The following DARS1 variants were observed in gnomAD, a reference collection of about 807,000 sequenced individuals.
DARS1 encodes the protein aspartate--tRNA ligase, cytoplasmic.
A neutral mutation model predicts 68.8 loss-of-function variants in DARS1; 51 were observed. That is an observed-to-expected ratio of 0.74 (90% CI 0.59 to 0.94). The LOEUF (loss-of-function observed/expected upper bound fraction) is 0.94, where lower values mean the gene tolerates loss of function less well. DARS1 is among the 40% of genes least tolerant of loss of function. The probability of loss-of-function intolerance (pLI) is 0.00; values close to 1 mark genes in which losing one functional copy is unlikely to be tolerated. For synonymous variants in DARS1, 203 were observed against 190.4 expected (o/e 1.07, Z -0.55); for missense variants, 607 against 597.3 (o/e 1.02, Z -0.17).
In DARS1 at chr2:135,920,228, T is replaced by C. The variant is rs556621677; in HGVS notation, c.959+225A>G. Among the ~76,000 whole-genome samples the C allele has an allele frequency of 3.7e-4, 57 of 152,330 alleles. 1 individual carries two copies. Among genetic ancestry groups the C allele is most frequent in the Middle Eastern group, 3.4e-3 (1 of 294 alleles). On this transcript the variant is annotated intron_variant, in intron 10 of 15. Transcript: ENST00000264161. The stretch of plus-strand genomic sequence containing the variant: ...ACTGTTCACAATGTGGTAAATTTAC[T>C]AGCACAATAGAGGTTAATTAGTTGA...
intron 4 of DARS1, among the ~76,000 whole-genome samples, chr2:135,958,584 GA>G (rs1682028911): frequency 6.6e-6 from 1 of 152,138 alleles, no homozygotes; most frequent in Non-Finnish European, 1.5e-5. Flanking sequence ...ACATCACACA[GA>G]AAGGACAAAC....
At chr2:135,932,008 C>T (rs1681363674) in intron 7 of DARS1, among the ~76,000 whole-genome samples, 1 of 152,072 alleles carries the variant, frequency 6.6e-6, no homozygotes. Flanking sequence ...TAGGTAGTAT[C>T]AAGAGGACTT....
At chr2:135,934,988 G>A (rs559263423) in intron 5 of DARS1, among the ~76,000 whole-genome samples, 53 of 151,730 alleles carry the variant, frequency 3.5e-4, no homozygotes, top group African/African-American at 1.2e-3. Flanking sequence ...ACAGCATTTC[G>A]CTATGTTGGC....
Position 135,916,469 on chromosome 2 carries a change from A to G in DARS1, c.960-97T>C, listed in dbSNP as rs888899858. 4.6e-6 allele frequency: 3 copies of G among 658,170 alleles called. No homozygotes were observed. The African/African-American group carries it at 5.4e-5, about 12-fold the overall frequency. 40.8% of individuals were successfully genotyped at this position (658,170 alleles called of 1,614,324 possible). A position where few individuals can be genotyped will look rare whatever the true frequency, so the allele number is the denominator to read the frequency against. On this transcript the variant is annotated intron_variant, in intron 10 of 15. Coordinates refer to ENST00000264161, the MANE Select transcript of DARS1 (RefSeq NM_001349.4). ...ATATACAAAAATCAATCTTTGAATC[A>G]GTATATACACCAGGAAAAGCATTAT...
intron 2 of DARS1, 132 bp downstream of exon 2, chr2:135,983,265 G>T (rs1575411134): frequency 4.7e-6 from 3 of 632,578 alleles, no homozygotes; most frequent in Non-Finnish European, 5.5e-6. Context: ...CATCTACTTG[G>T]ATTATTAATG....
chr2:135,942,854 T>A (rs1444614289), intron 5 of DARS1, among the ~76,000 whole-genome samples: 2 of 152,208 alleles, frequency 1.3e-5, no homozygotes, highest in African/African-American at 4.8e-5. Flanking sequence ...CTCCTGCATG[T>A]ATATTCCCCT....
Position 135,955,624 on chromosome 2 carries a change from G to A in DARS1, c.320+5772C>T, listed in dbSNP as rs75298650. ...CATCAAAAGAACAAAAATAAATTAG[G>A]TAAGTACTTCAAAAAATAATAAAAC... On this transcript the variant is annotated intron_variant, in intron 4 of 15. Transcript: ENST00000264161. Among the ~76,000 whole-genome samples, 1,138 of 144,458 alleles carry A rather than the reference G, an allele frequency of 7.9e-3. 97 individuals are homozygous for A. In the East Asian group the frequency reaches 0.21, roughly 26 times the overall value. 94.8% of individuals were successfully genotyped at this position (144,458 alleles called of 152,430 possible).
At chr2:135,932,709 T>A in intron 7 of DARS1, 74 bp downstream of exon 7, 1 of 795,872 alleles carries the variant, frequency 1.3e-6, no homozygotes. Context: ...TTTATAAGCC[T>A]GAGACAGGTA....
chr2:135,976,782 CAAAAAAAAAA>C (rs10598545), intron 3 of DARS1, among the ~76,000 whole-genome samples: 1 of 104,532 alleles, frequency 9.6e-6, no homozygotes, highest in African/African-American at 3.1e-5. Flanking sequence ...GCAAATATTC[CAAAAAAAAAA>C]AAAAAAAAAA....
In DARS1 at chr2:135,935,799, G is replaced by A. The variant is rs145630513; in HGVS notation, c.424-1809C>T. ...CTGGAAAACCTGCTAAAGCACAAAC[G>A]GGAAAAATACCTTATTTAGTTACTT... On this transcript the variant is annotated intron_variant, in intron 5 of 15. Transcript: ENST00000264161. Among the ~76,000 whole-genome samples the A allele has an allele frequency of 2.1e-3, 323 of 152,134 alleles. 2 individuals carry two copies. The highest frequency in any genetic ancestry group is 6.9e-3 in the African/African-American group (285 of 41,520).
intron 4 of DARS1, among the ~76,000 whole-genome samples, chr2:135,947,174 G>C (rs1236877013): frequency 6.6e-6 from 1 of 152,092 alleles, no homozygotes; most frequent in South Asian, 2.1e-4. Context: ...GGGAGGTCGG[G>C]GTGGGTGGAT....
chr2:135,908,671 T>A (rs572490045), intron 15 of DARS1, among the ~76,000 whole-genome samples: 3 of 152,352 alleles, frequency 2.0e-5, no homozygotes, highest in Admixed American at 2.0e-4. Context: ...ATCAGTGATG[T>A]TGAGCTTTTC....
At chr2:135,911,307 T>C in intron 14 of DARS1, 75 bp downstream of exon 14, 3 of 847,876 alleles carry the variant, frequency 3.5e-6, no homozygotes, top group Non-Finnish European at 4.1e-6. Context: ...TTAAAAAGAC[T>C]GAGAAGTCTT....
intron 10 of DARS1, among the ~76,000 whole-genome samples, chr2:135,919,509 G>C (rs1405568876): frequency 6.6e-6 from 1 of 151,940 alleles, no homozygotes; most frequent in Non-Finnish European, 1.5e-5. Context: ...TAAAATGCTA[G>C]CTTAGACTAT....
At chr2:135,953,250 G>A (rs1681882907) in intron 4 of DARS1, among the ~76,000 whole-genome samples, 3 of 152,324 alleles carry the variant, frequency 2.0e-5, no homozygotes, top group African/African-American at 7.2e-5. Flanking sequence ...TCTAGGAAAG[G>A]ACTTTAGTTG....
At chr2:135,971,133 A>G (rs1056820973) in intron 3 of DARS1, among the ~76,000 whole-genome samples, 4 of 152,140 alleles carry the variant, frequency 2.6e-5, no homozygotes, top group Non-Finnish European at 4.4e-5. Flanking sequence ...CCAAAGATAG[A>G]TCAGAAAAAG....
intron 5 of DARS1, among the ~76,000 whole-genome samples, chr2:135,939,367 A>G (rs1298656075): frequency 2.6e-5 from 4 of 152,162 alleles, no homozygotes; most frequent in African/African-American, 9.7e-5. Context: ...ACTCAAAACT[A>G]CTCAACTACA....
At chr2:135,980,167 T>TA (rs1253689499) in intron 2 of DARS1, among the ~76,000 whole-genome samples, 3 of 152,172 alleles carry the variant, frequency 2.0e-5, no homozygotes, top group African/African-American at 7.2e-5. Flanking sequence ...GAGCCCCAAC[T>TA]ATTATGCTCC....
intron 11 of DARS1, among the ~76,000 whole-genome samples, chr2:135,915,853 T>C (rs547248284): frequency 3.5e-4 from 54 of 152,238 alleles, no homozygotes; most frequent in African/African-American, 1.3e-3. Context: ...AAACTCTCTA[T>C]ACTCTTTAAA....
Sources: allele counts gnomAD v4.1 joint callset (sites outside exome capture counted in the v4.1 genomes callset), GRCh38; gene constraint gnomAD v4.1.1; transcripts MANE v1.5; gene names NCBI Gene and HGNC (gene_info 2026-07-23, HGNC 2026-07-21).